Variants in TAMM41 observed in about 807,000 individuals in gnomAD.
TAMM41 encodes the protein phosphatidate cytidylyltransferase, mitochondrial.
Under a neutral mutation model 44.1 loss-of-function variants are expected in TAMM41, and 36 were observed. That is an observed-to-expected ratio of 0.82 (90% CI 0.63 to 1.08). The LOEUF (loss-of-function observed/expected upper bound fraction) is 1.08, where lower values mean the gene tolerates loss of function less well. TAMM41 is among the 50% of genes least tolerant of loss of function. TAMM41 has a pLI of 0.00. For synonymous variants in TAMM41, 164 were observed against 153.1 expected, an observed-to-expected ratio of 1.07 and a Z score of -0.53; for missense variants, 417 against 404.3, an observed-to-expected ratio of 1.03 and a Z score of -0.27.
At chr3:11,755,808 G>A in the TAMM41 span, among the ~76,000 whole-genome samples, 1 of 152,008 alleles carries the variant, frequency 6.6e-6, no homozygotes, top group African/African-American at 2.4e-5. Context: ...CACTCCTTAG[G>A]GTCCACACAT....
At chr3:11,810,010 T>G (rs1050441108) in intron 5 of TAMM41, 1 of 217,104 alleles carries the variant, frequency 4.6e-6, no homozygotes, top group Non-Finnish European at 8.9e-6. Context: ...GAAGTGGTGC[T>G]GCAGTTGACA....
At chr3:11,838,218 G>C (rs960558393) in intron 3 of TAMM41, among the ~76,000 whole-genome samples, 1 of 152,090 alleles carries the variant, frequency 6.6e-6, no homozygotes, top group Non-Finnish European at 1.5e-5. Context: ...GCAGTTTTTT[G>C]TTGCTGTTGT....
the TAMM41 span, among the ~76,000 whole-genome samples, chr3:11,754,110 A>G: frequency 1.3e-5 from 2 of 152,014 alleles, no homozygotes; most frequent in Non-Finnish European, 2.9e-5. Flanking sequence ...TCACGTGGTA[A>G]CCGAGACCCC....
chr3:11,779,069 C>T, the TAMM41 span, among the ~76,000 whole-genome samples: 4 of 152,106 alleles, frequency 2.6e-5, no homozygotes, highest in Middle Eastern at 3.4e-3. Context: ...AGATTAATGC[C>T]CTCCCTCAGT....
chr3:11,772,594 T>C, the TAMM41 span, among the ~76,000 whole-genome samples: 2 of 152,196 alleles, frequency 1.3e-5, no homozygotes, highest in African/African-American at 2.4e-5. Flanking sequence ...TATCTGATCC[T>C]TGGTTGATGG....
Position 11,844,048 on chromosome 3 carries a change from A to C in TAMM41, c.299T>G (p.Leu100Trp), listed in dbSNP as rs1328593238. 29 of 1,613,978 alleles carry C rather than the reference A, an allele frequency of 1.8e-5. No individual in the cohort carries two copies. The highest frequency in any genetic ancestry group is 2.3e-5 in the Non-Finnish European group (27 of 1,180,022). Residue 100 changes from leucine (L) to tryptophan (W), a missense_variant, in exon 2 of 8, where the codon TTG becomes TGG. Coordinates refer to ENST00000455809, the MANE Select transcript of TAMM41 (RefSeq NM_001284401.2). Reference protein sequence around the residue: ...NYGAGVYYNSLIMCNGRLIKY... With the variant: ...NYGAGVYYNSWIMCNGRLIKY... ...ACTTACCCTACCATTACACATGATC[A>C]ATGAATTGTAGTAAACTCCAGCGCC... is the stretch of plus-strand genomic sequence containing the variant.
At chr3:11,783,657 T>C in the TAMM41 span, among the ~76,000 whole-genome samples, 2 of 152,222 alleles carry the variant, frequency 1.3e-5, no homozygotes, top group Non-Finnish European at 2.9e-5. Flanking sequence ...GAGACAGTTA[T>C]CAAATGGCAG....
chr3:11,734,505 C>T, the TAMM41 span, among the ~76,000 whole-genome samples: 1 of 152,138 alleles, frequency 6.6e-6, no homozygotes, highest in Non-Finnish European at 1.5e-5. Flanking sequence ...CCTTCACTGC[C>T]TTTGACCCTG....
chr3:11,846,450 A>G (rs368478444), intron 1 of TAMM41, 52 bp downstream of exon 1: 10 of 1,609,190 alleles, frequency 6.2e-6, no homozygotes, highest in Middle Eastern at 1.7e-4. Context: ...CGAGGGCAAA[A>G]CGGGACTCGT....
At chr3:11,757,931 G>C in the TAMM41 span, among the ~76,000 whole-genome samples, 1 of 152,166 alleles carries the variant, frequency 6.6e-6, no homozygotes, top group Admixed American at 6.6e-5. Flanking sequence ...GCAGGGTAGG[G>C]GGACACTGAA....
chr3:11,807,213 G>A, intron 7 of TAMM41: 2 of 1,423,142 alleles, frequency 1.4e-6, no homozygotes, highest in South Asian at 1.6e-5. Flanking sequence ...AAGGAAAGGT[G>A]TACTCTGTGG....
At chr3:11,769,355 ATTTTTT>A in the TAMM41 span, among the ~76,000 whole-genome samples, 2 of 132,904 alleles carry the variant, frequency 1.5e-5, no homozygotes, top group Non-Finnish European at 3.2e-5. Context: ...CTCCCAAGAG[ATTTTTT>A]TTTTTTTTTT....
At position 11,814,774 on chromosome 3, in the gene TAMM41, G is replaced by A. The variant is rs938261187; in HGVS notation, c.708+2418C>T. Among the ~76,000 whole-genome samples the A allele has an allele frequency of 3.3e-5, 5 of 152,236 alleles. No individual in the cohort carries two copies. The South Asian group carries it at 1.0e-3, about 32-fold the overall frequency. ...GCCCAGGAGTTTGAGACCAGCCTGG[G>A]CAATATGGTGAAACTGTTTCTACTA... On this transcript the variant is annotated intron_variant, in intron 5 of 7. Coordinates refer to ENST00000455809, the MANE Select transcript of TAMM41 (RefSeq NM_001284401.2).
the TAMM41 span, among the ~76,000 whole-genome samples, chr3:11,766,908 G>A: frequency 2.0e-5 from 3 of 152,120 alleles, no homozygotes; most frequent in South Asian, 2.1e-4. Context: ...TTTTGAGATC[G>A]CTGTAGATTC....
rs993822896 is a variant in TAMM41, at chr3:11,808,728, T to TG, written c.874+788_874+789insC. ...CTGAAGATAAGGTTCAGGCTCTTTT[T>TG]TTTGTTTGTTTTTTAAGAGATACGG... is the stretch of plus-strand genomic sequence containing the variant. On this transcript the variant is annotated intron_variant, in intron 6 of 7. Coordinates refer to ENST00000455809, the MANE Select transcript of TAMM41 (RefSeq NM_001284401.2). 236 of 644,348 alleles carry TG rather than the reference T, an allele frequency of 3.7e-4. No individual in the cohort carries two copies. The African/African-American group carries it at 4.5e-3, about 12-fold the overall frequency. The allele number at this position is 644,348 out of a possible 1,614,324, so 39.9% of individuals were successfully genotyped here. A position where few individuals can be genotyped will look rare whatever the true frequency, so the allele number is the denominator to read the frequency against.
At chr3:11,750,156 A>G in the TAMM41 span, among the ~76,000 whole-genome samples, 6 of 152,052 alleles carry the variant, frequency 3.9e-5, no homozygotes, top group African/African-American at 1.4e-4. Context: ...TCGGCCTCCC[A>G]AAGTGCTTGG....
downstream of TAMM41, among the ~76,000 whole-genome samples, chr3:11,790,135 T>C (rs1181479152): frequency 2.0e-5 from 3 of 152,110 alleles, no homozygotes; most frequent in Non-Finnish European, 4.4e-5. Context: ...ACTAGAGACA[T>C]AACAAGCCAG....
the TAMM41 span, among the ~76,000 whole-genome samples, chr3:11,782,563 A>C: frequency 1.3e-5 from 2 of 151,050 alleles, no homozygotes; most frequent in African/African-American, 4.9e-5. Flanking sequence ...AAAAAAAAAG[A>C]AAAAAAAAGT....
chr3:11,746,842 C>T, the TAMM41 span, among the ~76,000 whole-genome samples: 1 of 151,498 alleles, frequency 6.6e-6, no homozygotes, highest in Non-Finnish European at 1.5e-5. Flanking sequence ...CAGTATGTTG[C>T]CTAGGCTGCT....
Sources: gnomAD v4.1 joint callset for allele counts (sites outside exome capture counted in the v4.1 genomes callset) on GRCh38, gnomAD v4.1.1 for gene constraint, MANE v1.5 for transcripts, NCBI Gene and HGNC (gene_info 2026-07-23, HGNC 2026-07-21) for gene names.